The following PCCA variants were observed in gnomAD, a reference collection of about 807,000 sequenced individuals.
PCCA encodes propionyl-CoA carboxylase alpha chain, mitochondrial.
In PCCA, 74 loss-of-function variants were observed where a neutral mutation model predicts 101.3. That is an observed-to-expected ratio of 0.73 (90% confidence interval 0.61 to 0.89). The LOEUF (loss-of-function observed/expected upper bound fraction) is 0.89, where lower values mean the gene tolerates loss of function less well. Ranked by LOEUF, PCCA falls within the 40% of genes least tolerant of loss-of-function variation. The pLI is 0.00. For missense variants in PCCA, 891 were observed against 907.0 expected (o/e 0.98, Z 0.23); for synonymous variants, 294 against 313.6 (o/e 0.94, Z 0.66).
intron 22 of PCCA, among the ~76,000 whole-genome samples, chr13:100,525,484 A>G (rs1177731452): frequency 6.6e-6 from 1 of 152,252 alleles, no homozygotes; most frequent in Non-Finnish European, 1.5e-5. Flanking sequence ...ACTTGCTCCC[A>G]GGCCCTGGCG....
At chr13:100,471,563 G>A (rs2083015399) in intron 21 of PCCA, among the ~76,000 whole-genome samples, 1 of 152,132 alleles carries the variant, frequency 6.6e-6, no homozygotes, top group Non-Finnish European at 1.5e-5. Context: ...GGATTTTTTG[G>A]ATACTTGATA....
At chr13:100,146,220 C>T (rs940430658) in intron 4 of PCCA, among the ~76,000 whole-genome samples, 32 of 150,588 alleles carry the variant, frequency 2.1e-4, no homozygotes, top group African/African-American at 6.5e-4. Flanking sequence ...GGATTACAGG[C>T]GTGAGCCACC....
intron 12 of PCCA, among the ~76,000 whole-genome samples, chr13:100,289,911 G>C (rs1216011212): frequency 6.6e-6 from 1 of 151,870 alleles, no homozygotes; most frequent in Non-Finnish European, 1.5e-5. Context: ...TTCTGCCCTA[G>C]TTCACTTATT....
intron 21 of PCCA, among the ~76,000 whole-genome samples, chr13:100,483,933 C>T (rs1255993937): frequency 1.3e-5 from 2 of 152,102 alleles, no homozygotes; most frequent in African/African-American, 2.4e-5. Flanking sequence ...TGCTTTGTGC[C>T]AGCTGGTTTC....
chr13:100,244,114 A>G (rs1014696954), intron 8 of PCCA, among the ~76,000 whole-genome samples: 3 of 152,330 alleles, frequency 2.0e-5, no homozygotes, highest in East Asian at 3.9e-4. Context: ...TTATTTGCCA[A>G]TTTCGTCTTC....
intron 18 of PCCA, among the ~76,000 whole-genome samples, chr13:100,362,858 C>G (rs1039502760): frequency 5.3e-5 from 8 of 152,174 alleles, no homozygotes; most frequent in African/African-American, 1.9e-4. Flanking sequence ...TACACATTTT[C>G]AATTGCATGT....
chr13:100,191,292 G>A (rs758780417), intron 6 of PCCA, among the ~76,000 whole-genome samples: 27 of 152,158 alleles, frequency 1.8e-4, no homozygotes, highest in Non-Finnish European at 2.5e-4. Flanking sequence ...GCATTTTACC[G>A]CAGAACTATT....
intron 19 of PCCA, among the ~76,000 whole-genome samples, chr13:100,373,251 G>A (rs1211195134): frequency 7.9e-5 from 12 of 152,118 alleles, no homozygotes; most frequent in Admixed American, 2.6e-4. Context: ...CCTCCCACCC[G>A]TTAGAATGGC....
Position 100,302,955 on chromosome 13 carries a change from T to C in PCCA, c.1241T>C (p.Ile414Thr). ...TACAAGTCTTTTGGTTTACCATCTATTGGGAGATTGTCTCAGTACCAAGAA... is the reference window on the plus strand; with the variant it reads ...TACAAGTCTTTTGGTTTACCATCTACTGGGAGATTGTCTCAGTACCAAGAA... The part of the protein sequence containing the change: ...DPYKSFGLPS[I>T]GRLSQYQEPL... Residue 414 changes from isoleucine to threonine, a missense_variant, in exon 14 of 24, where the codon ATT becomes ACT. Transcript: ENST00000376285. The C allele has an allele frequency of 5.6e-6, 9 of 1,606,900 alleles. No homozygotes were observed. Among genetic ancestry groups the C allele is most frequent in the Non-Finnish European group, 7.7e-6 (9 of 1,173,488 alleles).
intron 7 of PCCA, among the ~76,000 whole-genome samples, chr13:100,210,455 A>G (rs1045678173): frequency 1.3e-5 from 2 of 152,348 alleles, no homozygotes; most frequent in East Asian, 3.9e-4. Context: ...GTTAAACATT[A>G]AGAGTTTCTC....
At chr13:100,244,087 T>A (rs1345758365) in intron 8 of PCCA, among the ~76,000 whole-genome samples, 1 of 152,204 alleles carries the variant, frequency 6.6e-6, no homozygotes, top group Non-Finnish European at 1.5e-5. Flanking sequence ...TTCTTCACAA[T>A]CTTACATCTT....
intron 22 of PCCA, among the ~76,000 whole-genome samples, chr13:100,522,755 T>C (rs2087410577): frequency 1.3e-5 from 2 of 152,234 alleles, no homozygotes; most frequent in South Asian, 4.1e-4. Flanking sequence ...CTCCCTTGTG[T>C]GGGAGACCAC....
chr13:100,283,732 A>T (rs1321727790), intron 12 of PCCA, among the ~76,000 whole-genome samples: 2 of 152,240 alleles, frequency 1.3e-5, no homozygotes, highest in African/African-American at 4.8e-5. Flanking sequence ...AGCCTTAGTC[A>T]TGGCCCTCAG....
chr13:100,530,367 G>T lies in PCCA; in HGVS notation c.*201G>T, dbSNP rs1488541356. 1 of 625,228 alleles carries T rather than the reference G, an allele frequency of 1.6e-6. No homozygotes were observed. Among genetic ancestry groups the T allele is most frequent in the Non-Finnish European group, 2.9e-6 (1 of 347,548 alleles). The allele number at this position is 625,228 out of a possible 1,614,324, so 38.7% of individuals were successfully genotyped here. On this transcript the variant is annotated 3_prime_UTR_variant, in exon 24 of 24. Coordinates refer to ENST00000376285, the MANE Select transcript of PCCA (RefSeq NM_000282.4). ...CATTGATATAAATACTTGTACATAT[G>T]ATTTGTACTTCTGCTGTGAGATTCC...
At chr13:100,331,548 A>G (rs779422710) in intron 17 of PCCA, among the ~76,000 whole-genome samples, 1 of 152,206 alleles carries the variant, frequency 6.6e-6, no homozygotes, top group Non-Finnish European at 1.5e-5. Flanking sequence ...AATTTACAAT[A>G]CAGAGTTTTC....
At chr13:100,163,395 G>A (rs2054696769) in intron 6 of PCCA, among the ~76,000 whole-genome samples, 1 of 152,232 alleles carries the variant, frequency 6.6e-6, no homozygotes, top group Non-Finnish European at 1.5e-5. Flanking sequence ...GGCCTCTGAA[G>A]ATTGTGTTTT....
chr13:100,307,385 A>G (rs1595236992), intron 15 of PCCA, 125 bp downstream of exon 15: 4 of 721,554 alleles, frequency 5.5e-6, no homozygotes, highest in Non-Finnish European at 9.4e-6. Flanking sequence ...GCACTGATGT[A>G]AATGTGAAAG....
Position 100,488,644 on chromosome 13 carries a change from G to GTT in PCCA, c.1900-26772_1900-26771dup, listed in dbSNP as rs1186017014. On this transcript the variant is annotated intron_variant, in intron 21 of 23. Transcript: ENST00000376285. ...TGTTTTTTTGTTTTGTTTTTTTTTT[G>GTT]TTTTTTTTTTTTAATTAGCTGGTGT... Among the ~76,000 whole-genome samples, 614 of 64,892 alleles carry GTT rather than the reference G, an allele frequency of 9.5e-3. 30 individuals are homozygous for GTT. In the East Asian group the frequency reaches 0.31, roughly 33 times the overall value. The allele number at this position is 64,892 out of a possible 152,430, so 42.6% of individuals were successfully genotyped here. A position where few individuals can be genotyped will look rare whatever the true frequency, so the allele number is the denominator to read the frequency against.
chr13:100,460,019 G>A lies in PCCA; in HGVS notation c.1899+10714G>A, dbSNP rs117212985. On this transcript the variant is annotated intron_variant, in intron 21 of 23. Coordinates refer to ENST00000376285, the MANE Select transcript of PCCA (RefSeq NM_000282.4). Reference sequence around the variant, plus strand: ...GTCTCCAAATACTGTCACATTGAGGGTTAGGCATTCAGCATATGAATTTGG... The same window carrying A: ...GTCTCCAAATACTGTCACATTGAGGATTAGGCATTCAGCATATGAATTTGG... Among the ~76,000 whole-genome samples, 102 of 152,348 alleles carry A rather than the reference G, an allele frequency of 6.7e-4. 2 individuals carry two copies. The East Asian group carries it at 0.017, about 26-fold the overall frequency.
Sources: allele counts gnomAD v4.1 joint callset (sites outside exome capture counted in the v4.1 genomes callset), GRCh38; gene constraint gnomAD v4.1.1; transcripts MANE v1.5; gene names NCBI Gene and HGNC (gene_info 2026-07-23, HGNC 2026-07-21).